Variants in LRP1B observed in about 807,000 individuals in gnomAD.
LRP1B encodes low-density lipoprotein receptor-related protein 1B.
In LRP1B, 217 loss-of-function variants were observed where a neutral mutation model predicts 556.6. The ratio of observed to expected loss-of-function variants is 0.39; its 90% CI spans 0.35 to 0.44. The LOEUF is 0.44. LRP1B is among the 20% of genes least tolerant of loss of function. LRP1B has a pLI of 1.00. For missense variants in LRP1B, 5,053 were observed against 5,620.8 expected (o/e 0.90, Z 3.23); for synonymous variants, 2,047 against 1,865.8 (o/e 1.10, Z -2.50).
chr2:141,026,084 A>C (rs1056040042), intron 11 of LRP1B, among the ~76,000 whole-genome samples: 1 of 152,074 alleles, frequency 6.6e-6, no homozygotes, highest in African/African-American at 2.4e-5. Flanking sequence ...AGAGAAAACA[A>C]AGCTAAAACT....
chr2:140,624,745 T>C (rs538619511), intron 41 of LRP1B, among the ~76,000 whole-genome samples: 1 of 152,298 alleles, frequency 6.6e-6, no homozygotes, highest in South Asian at 2.1e-4. Flanking sequence ...GTTTATATTA[T>C]ATATTGATGA....
chr2:141,871,070 G>A (rs960831598), intron 1 of LRP1B, among the ~76,000 whole-genome samples: 4 of 151,818 alleles, frequency 2.6e-5, no homozygotes, highest in African/African-American at 7.2e-5. Flanking sequence ...TGAATAAAAT[G>A]TTTCTGGTCA....
intron 20 of LRP1B, among the ~76,000 whole-genome samples, chr2:140,937,686 T>C (rs1695270007): frequency 6.6e-6 from 1 of 152,120 alleles, no homozygotes; most frequent in Admixed American, 6.6e-5. Context: ...TTTGTATTTA[T>C]GTACAGTATT....
At chr2:140,689,499 C>T (rs1038189210) in intron 41 of LRP1B, among the ~76,000 whole-genome samples, 2 of 152,160 alleles carry the variant, frequency 1.3e-5, no homozygotes, top group Non-Finnish European at 2.9e-5. Context: ...AATTAAACTC[C>T]CTTAAAATTA....
chr2:141,146,846 G>A (rs1285468916), intron 7 of LRP1B, among the ~76,000 whole-genome samples: 1 of 152,140 alleles, frequency 6.6e-6, no homozygotes, highest in African/African-American at 2.4e-5. Flanking sequence ...GATGAAAACA[G>A]TAACAAGTAA....
chr2:140,576,248 T>C (rs1329141989), intron 43 of LRP1B, among the ~76,000 whole-genome samples: 1 of 152,222 alleles, frequency 6.6e-6, no homozygotes, highest in African/African-American at 2.4e-5. Flanking sequence ...CTCTAGACTT[T>C]GCTCCACAAA....
chr2:141,234,249 G>T (rs543984110), intron 5 of LRP1B, among the ~76,000 whole-genome samples: 5 of 151,966 alleles, frequency 3.3e-5, no homozygotes, highest in Admixed American at 2.6e-4. Flanking sequence ...AAATGGGTTT[G>T]CAGTTAGAAA....
intron 2 of LRP1B, among the ~76,000 whole-genome samples, chr2:141,570,201 C>G (rs1032156173): frequency 6.6e-6 from 1 of 151,106 alleles, no homozygotes; most frequent in Non-Finnish European, 1.5e-5. Context: ...ACGAAGGCCT[C>G]TGGGTTGGTG....
In LRP1B at chr2:140,769,196, A is replaced by G. The variant is rs375866533; in HGVS notation, c.5758+17T>C. 128 of 1,608,092 alleles carry G rather than the reference A, an allele frequency of 8.0e-5. No homozygotes were observed. The highest frequency in any genetic ancestry group is 1.1e-4 in the Non-Finnish European group (125 of 1,176,058). On this transcript the variant is annotated intron_variant, in intron 35 of 90. Transcript: ENST00000389484. ...GTGAATATATTATGCATAAATTATG[A>G]CTAAAAAGCTATTTACCTGCATGGA...
intron 66 of LRP1B, among the ~76,000 whole-genome samples, chr2:140,440,431 A>G (rs976615730): frequency 1.3e-5 from 2 of 152,170 alleles, no homozygotes; most frequent in African/African-American, 4.8e-5. Context: ...GAGTCAAACG[A>G]TAAGGACTTG....
At chr2:140,619,410 G>A (rs1365794787) in intron 41 of LRP1B, among the ~76,000 whole-genome samples, 1 of 152,086 alleles carries the variant, frequency 6.6e-6, no homozygotes, top group African/African-American at 2.4e-5. Flanking sequence ...CATTTTGCTA[G>A]ATGGAAATTA....
intron 58 of LRP1B, among the ~76,000 whole-genome samples, chr2:140,485,777 A>T (rs1688439425): frequency 6.6e-6 from 1 of 151,480 alleles, no homozygotes; most frequent in African/African-American, 2.4e-5. Context: ...GGAGAGCTGC[A>T]CATTTGTTGT....
intron 3 of LRP1B, among the ~76,000 whole-genome samples, chr2:141,375,865 T>C (rs1231344380): frequency 2.0e-5 from 3 of 152,128 alleles, no homozygotes; most frequent in Non-Finnish European, 2.9e-5. Context: ...ATGGTTTCCC[T>C]GTCCTACCTT....
intron 1 of LRP1B, among the ~76,000 whole-genome samples, chr2:142,068,598 T>C: frequency 6.6e-6 from 1 of 151,456 alleles, no homozygotes; most frequent in Non-Finnish European, 1.5e-5. Flanking sequence ...TTCACAATTT[T>C]CCTTAATTTA....
chr2:140,240,873 G>C (rs1221996888), intron 87 of LRP1B, among the ~76,000 whole-genome samples: 1 of 150,994 alleles, frequency 6.6e-6, no homozygotes, highest in Non-Finnish European at 1.5e-5. Flanking sequence ...CAGCCACTTA[G>C]AACTGTATTA....
At chr2:141,266,390 C>A (rs774141501) in intron 3 of LRP1B, among the ~76,000 whole-genome samples, 36 of 148,502 alleles carry the variant, frequency 2.4e-4, no homozygotes, top group Admixed American at 9.4e-4. Context: ...TTCCCTTCTT[C>A]TTGTCTGGAA....
At chr2:141,355,250 T>C (rs1206759994) in intron 3 of LRP1B, among the ~76,000 whole-genome samples, 2 of 152,010 alleles carry the variant, frequency 1.3e-5, no homozygotes, top group Non-Finnish European at 2.9e-5. Flanking sequence ...CAGCACATTA[T>C]TTTCAAATGT....
intron 3 of LRP1B, among the ~76,000 whole-genome samples, chr2:141,332,361 T>C (rs1173270880): frequency 6.6e-6 from 1 of 151,936 alleles, no homozygotes; most frequent in Non-Finnish European, 1.5e-5. Flanking sequence ...TTGGCTGTAT[T>C]GGTAATGCTT....
chr2:141,131,322 T>A (rs563244085), intron 7 of LRP1B, among the ~76,000 whole-genome samples: 3 of 150,294 alleles, frequency 2.0e-5, no homozygotes, highest in Non-Finnish European at 4.4e-5. Context: ...TTAAGATACA[T>A]TCTACACAAC....
Sources: gnomAD v4.1 joint callset for allele counts (sites outside exome capture counted in the v4.1 genomes callset) on GRCh38, gnomAD v4.1.1 for gene constraint, MANE v1.5 for transcripts, NCBI Gene and HGNC (gene_info 2026-07-23, HGNC 2026-07-21) for gene names.